Variants in AIG1 observed in about 807,000 individuals in gnomAD.
The protein encoded by AIG1 is androgen-induced gene 1 protein.
Under a neutral mutation model 31.4 loss-of-function variants are expected in AIG1, and 23 were observed. The ratio of observed to expected loss-of-function variants is 0.73; its 90% CI spans 0.53 to 1.04. The LOEUF (loss-of-function observed/expected upper bound fraction) is 1.04. Ranked by LOEUF, AIG1 falls within the 50% of genes least tolerant of loss-of-function variation. The pLI is 0.00. For missense variants in AIG1, 274 were observed against 295.0 expected (o/e 0.93, Z 0.52); for synonymous variants, 100 against 110.5 (o/e 0.90, Z 0.60).
intron 5 of AIG1, chr6:143,339,250 CTG>C (rs1240057875): frequency 6.5e-6 from 1 of 154,928 alleles, no homozygotes; most frequent in Non-Finnish European, 1.4e-5. Flanking sequence ...TAAATGAAGT[CTG>C]TTTGAAACTC....
intron 3 of AIG1, among the ~76,000 whole-genome samples, chr6:143,213,508 CTTTTTTTT>C (rs746350692): frequency 6.5e-5 from 4 of 61,200 alleles, no homozygotes; most frequent in East Asian, 7.8e-4. Context: ...TTTCTTTCTT[CTTTTTTTT>C]TTTTTTTTTT....
At chr6:143,133,580 C>T (rs1006689206) in intron 1 of AIG1, among the ~76,000 whole-genome samples, 18 of 151,994 alleles carry the variant, frequency 1.2e-4, no homozygotes, top group Admixed American at 3.3e-4. Flanking sequence ...CTAAGATGGG[C>T]TTGATTTCAT....
chr6:143,084,542 C>T (rs1455658930), intron 1 of AIG1, among the ~76,000 whole-genome samples: 1 of 152,126 alleles, frequency 6.6e-6, no homozygotes, highest in African/African-American at 2.4e-5. Context: ...ACCGAGGTTG[C>T]CAAGTTCAGT....
intron 2 of AIG1, among the ~76,000 whole-genome samples, chr6:143,162,521 T>C (rs539794966): frequency 1.3e-5 from 2 of 152,340 alleles, no homozygotes; most frequent in East Asian, 3.9e-4. Context: ...CATCCCCTGC[T>C]GCACCAGTGT....
At chr6:143,105,437 C>T (rs1780715845) in intron 1 of AIG1, among the ~76,000 whole-genome samples, 1 of 152,202 alleles carries the variant, frequency 6.6e-6, no homozygotes, top group African/African-American at 2.4e-5. Flanking sequence ...ATATTGCTCA[C>T]ATCCTTAAGT....
At position 143,286,404 on chromosome 6, in the gene AIG1, T is replaced by C. The variant is rs1049294353; in HGVS notation, c.515+2179T>C. On this transcript the variant is annotated intron_variant, in intron 4 of 5. Transcript: ENST00000357847. ...TGTATTTACATTAACCAGTGAATTCTCTCAGATTTGTTCTGAGAAAGCATT... is the reference window on the plus strand; with the variant it reads ...TGTATTTACATTAACCAGTGAATTCCCTCAGATTTGTTCTGAGAAAGCATT... 2.0e-5 allele frequency among the ~76,000 whole-genome samples: 3 copies of C among 152,326 alleles called. 1 individual carries two copies. The South Asian group carries it at 6.2e-4, about 32-fold the overall frequency.
chr6:143,295,091 G>T (rs1004424460), intron 4 of AIG1, among the ~76,000 whole-genome samples: 2 of 152,026 alleles, frequency 1.3e-5, no homozygotes, highest in Non-Finnish European at 2.9e-5. Context: ...GCATCCCCTT[G>T]TCATCATCCC....
chr6:143,108,481 T>C (rs1191324034), intron 1 of AIG1, among the ~76,000 whole-genome samples: 2 of 152,152 alleles, frequency 1.3e-5, no homozygotes, highest in Non-Finnish European at 2.9e-5. Context: ...ATCTAACCTC[T>C]GTTTCTAGGA....
chr6:143,125,337 C>T (rs1284022456), intron 1 of AIG1, among the ~76,000 whole-genome samples: 2 of 152,150 alleles, frequency 1.3e-5, no homozygotes, highest in Non-Finnish European at 2.9e-5. Flanking sequence ...AAAGCATATT[C>T]ACCTTTGTAG....
chr6:143,275,749 C>A (rs899836745), intron 3 of AIG1, among the ~76,000 whole-genome samples: 4 of 152,170 alleles, frequency 2.6e-5, no homozygotes, highest in Admixed American at 6.5e-5. Context: ...GCCTTTGTGC[C>A]ATTGTTGGTC....
intron 1 of AIG1, among the ~76,000 whole-genome samples, chr6:143,094,749 T>C (rs1490548380): frequency 7.1e-6 from 1 of 140,358 alleles, no homozygotes; most frequent in Non-Finnish European, 1.5e-5. Context: ...GTTGATCAAA[T>C]AGAAAAAAAA....
chr6:143,336,024 G>A (rs928938618), intron 5 of AIG1, among the ~76,000 whole-genome samples: 3 of 151,384 alleles, frequency 2.0e-5, no homozygotes, highest in Admixed American at 6.6e-5. Flanking sequence ...ACTTTCCCTC[G>A]TTCTCACCTG....
At chr6:143,167,549 TCA>T (rs1316960163) in intron 3 of AIG1, among the ~76,000 whole-genome samples, 2 of 152,202 alleles carry the variant, frequency 1.3e-5, no homozygotes, top group African/African-American at 2.4e-5. Flanking sequence ...AGAGAATGAA[TCA>T]CAGCCTTTGT....
Position 143,210,682 on chromosome 6 carries a change from G to C in AIG1, c.399+45499G>C, listed in dbSNP as rs562306293. Among the ~76,000 whole-genome samples, 6 of 152,272 alleles carry C rather than the reference G, an allele frequency of 3.9e-5. No individual in the cohort carries two copies. In the East Asian group the frequency reaches 1.2e-3, roughly 29 times the overall value. ...GAATACTCAGTTCCTTTCTTAGGTA[G>C]ACTTACTAAAGTGCCGTAAATCAGT... is the stretch of plus-strand genomic sequence containing the variant. On this transcript the variant is annotated intron_variant, in intron 3 of 5. Coordinates refer to ENST00000357847, the MANE Select transcript of AIG1 (RefSeq NM_016108.4).
At chr6:143,192,247 C>T (rs759235843) in intron 3 of AIG1, among the ~76,000 whole-genome samples, 9 of 152,276 alleles carry the variant, frequency 5.9e-5, no homozygotes, top group Middle Eastern at 3.4e-3. Context: ...GCATGTGCTT[C>T]AATCTGGTCA....
chr6:143,274,178 T>G (rs1249853473), intron 3 of AIG1, among the ~76,000 whole-genome samples: 1 of 152,086 alleles, frequency 6.6e-6, no homozygotes, highest in Non-Finnish European at 1.5e-5. Flanking sequence ...CACAGTCAGC[T>G]CCCCTTCCCT....
At chr6:143,272,466 A>G (rs1796599046) in intron 3 of AIG1, among the ~76,000 whole-genome samples, 1 of 152,172 alleles carries the variant, frequency 6.6e-6, no homozygotes, top group African/African-American at 2.4e-5. Flanking sequence ...GAGAGAGTGA[A>G]CACACACCAG....
intron 4 of AIG1, among the ~76,000 whole-genome samples, chr6:143,294,933 T>C (rs1302481120): frequency 6.6e-6 from 1 of 152,148 alleles, no homozygotes; most frequent in African/African-American, 2.4e-5. Context: ...CCACTCTCCC[T>C]AGGTAAACCC....
chr6:143,147,164 G>A (rs1784785729), intron 2 of AIG1, among the ~76,000 whole-genome samples: 1 of 152,218 alleles, frequency 6.6e-6, no homozygotes, highest in Non-Finnish European at 1.5e-5. Flanking sequence ...TATACTAGGA[G>A]TTTGAATTGT....
Sources: allele counts gnomAD v4.1 joint callset (sites outside exome capture counted in the v4.1 genomes callset), GRCh38; gene constraint gnomAD v4.1.1; transcripts MANE v1.5; gene names NCBI Gene and HGNC (gene_info 2026-07-23, HGNC 2026-07-21).